Variants in VPS41 observed in about 807,000 individuals in gnomAD.
VPS41 encodes the protein VPS41 subunit of HOPS complex.
VPS41 carries 85 observed loss-of-function variants against 130.9 expected under a neutral mutation model. The ratio of observed to expected loss-of-function variants is 0.65; its 90% confidence interval spans 0.55 to 0.78. The LOEUF is 0.78. Ranked by LOEUF, VPS41 falls within the 30% of genes least tolerant of loss-of-function variation. The pLI is 0.00. For missense variants in VPS41, 874 were observed against 1,018.7 expected, an observed-to-expected ratio of 0.86 and a Z score of 1.93; for synonymous variants, 335 against 332.9, an observed-to-expected ratio of 1.01 and a Z score of -0.07.
At chr7:38,862,955 T>A (rs1023244046) in intron 3 of VPS41, among the ~76,000 whole-genome samples, 1 of 152,144 alleles carries the variant, frequency 6.6e-6, no homozygotes, top group African/African-American at 2.4e-5. Flanking sequence ...CAACCTACAG[T>A]TGAACTCAAA....
intron 2 of VPS41, among the ~76,000 whole-genome samples, chr7:38,894,615 A>G (rs900309116): frequency 3.3e-5 from 5 of 152,168 alleles, no homozygotes; most frequent in Admixed American, 1.3e-4. Flanking sequence ...TATGAACATT[A>G]ATCGTATCTA....
chr7:38,773,976 T>C, intron 12 of VPS41, 139 bp downstream of exon 12: 2 of 801,106 alleles, frequency 2.5e-6, no homozygotes, highest in Non-Finnish European at 3.7e-6. Context: ...AATGTCCTTG[T>C]TTTCAGCACA....
chr7:38,897,518 G>A lies in VPS41; in HGVS notation c.60+573C>T, dbSNP rs557838505. On this transcript the variant is annotated intron_variant, in intron 2 of 28. Transcript: ENST00000310301. ...AAATTAGCTGGGCGTGGCGGCGGGC[G>A]CCTGTAGTCCCAGTTACTCAGGAGG... Among the ~76,000 whole-genome samples the A allele has an allele frequency of 3.8e-4, 58 of 152,080 alleles. No homozygotes were observed. The East Asian group carries it at 9.5e-3, about 25-fold the overall frequency.
chr7:38,728,445 T>C (rs771996504), intron 27 of VPS41, 97 bp downstream of exon 27: 14 of 1,303,200 alleles, frequency 1.1e-5, no homozygotes, highest in East Asian at 6.9e-5. Context: ...CTGAAAGTTA[T>C]ATAGTTTTAT....
At chr7:38,807,644 A>G (rs1784866689) in intron 7 of VPS41, among the ~76,000 whole-genome samples, 1 of 152,132 alleles carries the variant, frequency 6.6e-6, no homozygotes, top group Admixed American at 6.5e-5. Flanking sequence ...GCATGACACA[A>G]GGTTGTATTC....
chr7:38,895,999 G>T (rs936116121), intron 2 of VPS41, among the ~76,000 whole-genome samples: 1 of 152,148 alleles, frequency 6.6e-6, no homozygotes, highest in Non-Finnish European at 1.5e-5. Flanking sequence ...CTCCAGAGCC[G>T]ACTCTGCTGG....
chr7:38,758,473 G>A lies in VPS41; in HGVS notation c.1431C>T (p.Ala477=). 6.2e-7 allele frequency: 1 copy of A among 1,609,322 alleles called. No homozygotes were observed. The highest frequency in any genetic ancestry group is 8.5e-7 in the Non-Finnish European group (1 of 1,178,776). ...EFLESDYEGF[A]TLIREWPGDL... ...CTCCAGGCCATTCTCGGATCAATGTGGCAAAACCCTAACCAAAGGTGAAAA... is the reference window on the plus strand; with the variant it reads ...CTCCAGGCCATTCTCGGATCAATGTAGCAAAACCCTAACCAAAGGTGAAAA... Residue 477 remains alanine, a synonymous_variant, in exon 18 of 29, where the codon GCC becomes GCT. Coordinates refer to ENST00000310301, the MANE Select transcript of VPS41 (RefSeq NM_014396.4).
chr7:38,879,891 TAAA>T (rs11406848), intron 2 of VPS41, among the ~76,000 whole-genome samples: 37 of 145,966 alleles, frequency 2.5e-4, no homozygotes, highest in Non-Finnish European at 3.0e-4. Flanking sequence ...GTCATTTCTT[TAAA>T]AAAAAAAAAA....
intron 23 of VPS41, 122 bp from the exon 24 acceptor site, chr7:38,743,664 A>G: frequency 9.2e-7 from 1 of 1,081,848 alleles, no homozygotes. Context: ...CTATTTTCTC[A>G]TGTGACACCA....
At chr7:38,909,049 T>A in intron 1 of VPS41, 105 bp downstream of exon 1, 1 of 1,301,180 alleles carries the variant, frequency 7.7e-7, no homozygotes, top group Non-Finnish European at 1.1e-6. Flanking sequence ...TGCCTTGCGC[T>A]ATTCCAGCAG....
intron 2 of VPS41, among the ~76,000 whole-genome samples, chr7:38,878,726 C>G (rs1562620706): frequency 6.6e-6 from 1 of 152,164 alleles, no homozygotes; most frequent in African/African-American, 2.4e-5. Flanking sequence ...AAGTTCAACA[C>G]TTGTTTCTGA....
At chr7:38,879,534 T>C (rs1051980335) in intron 2 of VPS41, among the ~76,000 whole-genome samples, 2 of 151,278 alleles carry the variant, frequency 1.3e-5, no homozygotes, top group Admixed American at 1.3e-4. Flanking sequence ...TGTAAGACAG[T>C]GGTCCCCAAC....
chr7:38,774,293 A>G (rs772520732), intron 11 of VPS41, 49 bp from the exon 12 acceptor site: 4 of 1,486,112 alleles, frequency 2.7e-6, no homozygotes, highest in Non-Finnish European at 3.6e-6. Flanking sequence ...ATTTCTATAT[A>G]TCATACAAAT....
intron 2 of VPS41, among the ~76,000 whole-genome samples, chr7:38,875,695 A>G (rs1786477481): frequency 6.6e-6 from 1 of 152,200 alleles, no homozygotes; most frequent in East Asian, 1.9e-4. Flanking sequence ...ACTTTTTAAG[A>G]AAGTGACATG....
Position 38,772,534 on chromosome 7 carries a change from C to T in VPS41, c.1116G>A (p.Lys372=). ...QDDHIDWLLE[K]KKYEEALMAA... ...AAATCAAGGGTACTTCATATTTCTTCTTTTCAAGGAGCCAGTCAATGTGAT... is the reference window on the plus strand; with the variant it reads ...AAATCAAGGGTACTTCATATTTCTTTTTTTCAAGGAGCCAGTCAATGTGAT... Residue 372 remains lysine, a synonymous_variant, in exon 13 of 29, where the codon AAG becomes AAA. Transcript: ENST00000310301. The T allele has an allele frequency of 6.2e-7, 1 of 1,610,860 alleles. No individual in the cohort carries two copies. The highest frequency in any genetic ancestry group is 1.1e-5 in the South Asian group (1 of 90,938).
chr7:38,810,008 T>C (rs2116058269), intron 7 of VPS41, among the ~76,000 whole-genome samples: 1 of 152,276 alleles, frequency 6.6e-6, no homozygotes, highest in Admixed American at 6.5e-5. Flanking sequence ...TTAAAATTCT[T>C]GCTACAAAAG....
intron 5 of VPS41, 63 bp downstream of exon 5, chr7:38,830,191 G>A (rs1259276657): frequency 2.0e-6 from 2 of 986,278 alleles, no homozygotes; most frequent in African/African-American, 3.2e-5. Flanking sequence ...TAAGCAAGGT[G>A]CTGTTCCGAT....
intron 4 of VPS41, among the ~76,000 whole-genome samples, chr7:38,861,512 A>G (rs916720111): frequency 2.0e-5 from 3 of 152,230 alleles, no homozygotes; most frequent in African/African-American, 7.2e-5. Context: ...GAGTATGATT[A>G]GAGCACATAA....
chr7:38,808,174 T>C (rs566742147), intron 7 of VPS41, among the ~76,000 whole-genome samples: 154 of 152,284 alleles, frequency 1.0e-3, no homozygotes, highest in African/African-American at 3.6e-3. Flanking sequence ...TCAAATACTC[T>C]GGGAGTCCTA....
Sources: gnomAD v4.1 joint callset for allele counts (sites outside exome capture counted in the v4.1 genomes callset) on GRCh38, gnomAD v4.1.1 for gene constraint, MANE v1.5 for transcripts, NCBI Gene and HGNC (gene_info 2026-07-23, HGNC 2026-07-21) for gene names.